The following RIMS1 variants were observed in gnomAD, a reference collection of about 807,000 sequenced individuals.
RIMS1 encodes the protein regulating synaptic membrane exocytosis protein 1.
Under a neutral mutation model 214.1 loss-of-function variants are expected in RIMS1, and 83 were observed. The ratio of observed to expected loss-of-function variants is 0.39; its 90% CI spans 0.32 to 0.47. The LOEUF is 0.47. Among genes scored for constraint, RIMS1 ranks in the 20% least tolerant of loss-of-function variants. The pLI is 0.99. For missense variants in RIMS1, 2,050 were observed against 2,161.8 expected, an observed-to-expected ratio of 0.95 and a Z score of 1.03; for synonymous variants, 793 against 786.8, an observed-to-expected ratio of 1.01 and a Z score of -0.13.
chr6:72,084,180 A>G (rs1035757199), intron 2 of RIMS1, among the ~76,000 whole-genome samples: 2 of 152,194 alleles, frequency 1.3e-5, no homozygotes, highest in Non-Finnish European at 2.9e-5. Context: ...GGTTGGCATG[A>G]TCACGTGACA....
At chr6:71,915,919 A>G (rs948360984) in intron 1 of RIMS1, among the ~76,000 whole-genome samples, 1 of 151,514 alleles carries the variant, frequency 6.6e-6, no homozygotes, top group Non-Finnish European at 1.5e-5. Context: ...GTGCAGGGGA[A>G]CTCTCCTTTA....
chr6:72,169,742 A>G (rs959620634), intron 4 of RIMS1, among the ~76,000 whole-genome samples: 2 of 151,966 alleles, frequency 1.3e-5, no homozygotes, highest in Non-Finnish European at 2.9e-5. Context: ...TGTCTCTACC[A>G]AAAAAACACA....
At position 72,105,403 on chromosome 6, in the gene RIMS1, C is replaced by T. The variant is rs914812478; in HGVS notation, c.471+5417C>T. Among the ~76,000 whole-genome samples the T allele has an allele frequency of 1.6e-4, 24 of 152,012 alleles. 1 individual carries two copies. The highest frequency in any genetic ancestry group is 4.1e-4 in the African/African-American group (17 of 41,464). On this transcript the variant is annotated intron_variant, in intron 4 of 33. Coordinates refer to ENST00000521978, the MANE Select transcript of RIMS1 (RefSeq NM_014989.7). ...CTCTTTCTGTTCATCTTAATATAAA[C>T]GTTATTTGTATTCAAGAAAATTCAA...
At chr6:72,251,729 G>T (rs949855348) in intron 15 of RIMS1, among the ~76,000 whole-genome samples, 1 of 152,030 alleles carries the variant, frequency 6.6e-6, no homozygotes. Context: ...TCCCCCCACC[G>T]AGAGAGAGTC....
At chr6:72,261,310 G>T in intron 19 of RIMS1, 1 of 996,526 alleles carries the variant, frequency 1.0e-6, no homozygotes, top group Non-Finnish European at 1.2e-6. Flanking sequence ...TATTCAACCT[G>T]ATCTTAACTA....
intron 1 of RIMS1, among the ~76,000 whole-genome samples, chr6:71,918,629 T>G (rs1310581939): frequency 6.6e-6 from 1 of 152,182 alleles, no homozygotes; most frequent in Non-Finnish European, 1.5e-5. Context: ...TCACAGTGCA[T>G]GTGCTGTTGA....
chr6:72,241,418 C>T (rs963477744), intron 9 of RIMS1, among the ~76,000 whole-genome samples: 1 of 152,126 alleles, frequency 6.6e-6, no homozygotes. Context: ...CCGTTTGGTA[C>T]CTACAACTTC....
chr6:71,969,075 A>G lies in RIMS1; in HGVS notation c.245+12A>G. On this transcript the variant is annotated intron_variant, in intron 2 of 33. Transcript: ENST00000521978. ...CACCAACCTTCACCGTGAGTATGGC[A>G]TTGGTTTTATTGACTGAAAATGTCG... 7 of 1,612,230 alleles carry G rather than the reference A, an allele frequency of 4.3e-6. No homozygotes were observed. The highest frequency in any genetic ancestry group is 5.9e-6 in the Non-Finnish European group (7 of 1,178,282).
chr6:71,891,432 T>G (rs754668927), intron 1 of RIMS1, among the ~76,000 whole-genome samples: 1 of 152,230 alleles, frequency 6.6e-6, no homozygotes, highest in African/African-American at 2.4e-5. Context: ...ACTTTTTTCC[T>G]GGAAAGGAGA....
chr6:71,916,029 C>A (rs149729586), intron 1 of RIMS1, among the ~76,000 whole-genome samples: 3 of 152,064 alleles, frequency 2.0e-5, no homozygotes, highest in Non-Finnish European at 4.4e-5. Context: ...GTCCATCCCA[C>A]AACACATAGG....
chr6:72,212,749 T>C (rs953917101), intron 6 of RIMS1: 22 of 928,888 alleles, frequency 2.4e-5, no homozygotes, highest in Non-Finnish European at 2.2e-5. Flanking sequence ...GGCAGAGAGC[T>C]TATTTCCTGA....
intron 18 of RIMS1, 116 bp from the exon 19 acceptor site, chr6:72,260,589 A>T (rs2077538686): frequency 7.4e-7 from 1 of 1,352,850 alleles, no homozygotes; most frequent in Non-Finnish European, 1.0e-6. Flanking sequence ...TCAAGCAAAT[A>T]TGCTAGTGCA....
intron 29 of RIMS1, among the ~76,000 whole-genome samples, chr6:72,353,332 C>T (rs1240380685): frequency 6.6e-6 from 1 of 152,090 alleles, no homozygotes; most frequent in Admixed American, 6.6e-5. Flanking sequence ...CTGGTGCTTT[C>T]TTATGTTACT....
In RIMS1 at chr6:72,038,090, C is replaced by CAAAAAAA. The variant is rs869130217; in HGVS notation, c.246-58836_246-58830dup. Among the ~76,000 whole-genome samples, 7 of 22,242 alleles carry CAAAAAAA rather than the reference C, an allele frequency of 3.1e-4. 1 individual carries two copies. Among genetic ancestry groups the CAAAAAAA allele is most frequent in the Non-Finnish European group, 5.6e-4 (7 of 12,476 alleles). 14.6% of individuals were successfully genotyped at this position (22,242 alleles called of 152,430 possible). A position where few individuals can be genotyped will look rare whatever the true frequency, so the allele number is the denominator to read the frequency against. On this transcript the variant is annotated intron_variant, in intron 2 of 33. Transcript: ENST00000521978. ...TTCAGTTCTCTGTTGAACAAACAAG[C>CAAAAAAA]AAAAAAAAAAAAAAAAAAAAAAAAA...
chr6:72,060,386 A>G (rs1827555145), intron 2 of RIMS1, among the ~76,000 whole-genome samples: 1 of 152,186 alleles, frequency 6.6e-6, no homozygotes. Context: ...TTCCATCTGC[A>G]TTACAGTAAG....
chr6:71,942,488 T>G (rs57944721), intron 1 of RIMS1, among the ~76,000 whole-genome samples: 2,209 of 152,302 alleles, frequency 0.015, 43 homozygotes, highest in African/African-American at 0.05. Flanking sequence ...TTCAAACATG[T>G]ATAGTAAAAT....
chr6:72,287,380 A>G (rs1385202075), intron 24 of RIMS1, among the ~76,000 whole-genome samples: 1 of 152,204 alleles, frequency 6.6e-6, no homozygotes, highest in East Asian at 1.9e-4. Context: ...GAAGCAATTT[A>G]CTGCAAGTCC....
chr6:72,382,731 A>G (rs564197197), intron 29 of RIMS1, among the ~76,000 whole-genome samples: 1 of 152,318 alleles, frequency 6.6e-6, no homozygotes, highest in Non-Finnish European at 1.5e-5. Context: ...AAATGTAGTT[A>G]ACTCGAGGGA....
At chr6:72,047,035 C>CA (rs150354425) in intron 2 of RIMS1, among the ~76,000 whole-genome samples, 39 of 151,782 alleles carry the variant, frequency 2.6e-4, no homozygotes, top group Non-Finnish European at 4.0e-4. Context: ...TACATTTGAC[C>CA]AAAAAAAGTC....
Sources: gnomAD v4.1 joint callset for allele counts (sites outside exome capture counted in the v4.1 genomes callset) on GRCh38, gnomAD v4.1.1 for gene constraint, MANE v1.5 for transcripts, NCBI Gene and HGNC (gene_info 2026-07-23, HGNC 2026-07-21) for gene names.